ZNF804B: variants seen among roughly 807,000 people sequenced by gnomAD.
The protein encoded by ZNF804B is zinc finger 804B.
ZNF804B carries 80 observed loss-of-function variants against 101.4 expected under a neutral mutation model. The ratio of observed to expected loss-of-function variants is 0.79; its 90% confidence interval spans 0.66 to 0.95. The LOEUF (loss-of-function observed/expected upper bound fraction) is 0.95. ZNF804B is among the 40% of genes least tolerant of loss of function. The pLI, the probability that ZNF804B is intolerant of heterozygous loss-of-function variation, is 0.00. For synonymous variants in ZNF804B, 622 were observed against 558.8 expected (o/e 1.11, Z -1.59); for missense variants, 1,673 against 1,561.9 (o/e 1.07, Z -1.20).
At chr7:89,101,235 A>G (rs1338808845) in intron 1 of ZNF804B, among the ~76,000 whole-genome samples, 1 of 151,478 alleles carries the variant, frequency 6.6e-6, no homozygotes, top group East Asian at 1.9e-4. Context: ...TCCGGCAGGC[A>G]TGTTTAGCTT....
chr7:89,095,061 T>G (rs1212173003), intron 1 of ZNF804B, among the ~76,000 whole-genome samples: 2 of 152,192 alleles, frequency 1.3e-5, no homozygotes, highest in African/African-American at 4.8e-5. Flanking sequence ...ATGTTTTTGT[T>G]GCCTCCAAAA....
At chr7:88,831,063 A>G (rs1791125017) in intron 1 of ZNF804B, among the ~76,000 whole-genome samples, 2 of 151,972 alleles carry the variant, frequency 1.3e-5, no homozygotes, top group African/African-American at 4.8e-5. Context: ...GTTAAAATAT[A>G]GTTCATATAC....
At chr7:89,200,603 T>C (rs1043095613) in intron 1 of ZNF804B, among the ~76,000 whole-genome samples, 1 of 152,016 alleles carries the variant, frequency 6.6e-6, no homozygotes, top group African/African-American at 2.4e-5. Flanking sequence ...TCCTATACTT[T>C]CAAGTTTCTA....
chr7:89,274,686 T>A (rs889568167), intron 2 of ZNF804B, among the ~76,000 whole-genome samples: 1 of 151,844 alleles, frequency 6.6e-6, no homozygotes, highest in Non-Finnish European at 1.5e-5. Context: ...CTCTTTTAAC[T>A]GCAGTCTAAT....
At chr7:89,145,036 G>A (rs1016444605) in intron 1 of ZNF804B, among the ~76,000 whole-genome samples, 1 of 151,860 alleles carries the variant, frequency 6.6e-6, no homozygotes, top group Non-Finnish European at 1.5e-5. Context: ...AGCTTGGGAA[G>A]TGGAGGTTGC....
intron 1 of ZNF804B, among the ~76,000 whole-genome samples, chr7:88,827,306 T>C (rs976468162): frequency 9.9e-5 from 15 of 151,634 alleles, no homozygotes; most frequent in African/African-American, 3.6e-4. Context: ...ATAATAATTA[T>C]AAAGAAAGAG....
chr7:88,953,056 C>T (rs1286842559), intron 1 of ZNF804B, among the ~76,000 whole-genome samples: 2 of 151,738 alleles, frequency 1.3e-5, no homozygotes, highest in Non-Finnish European at 2.9e-5. Context: ...TACCTGGTGT[C>T]AGGATTGAGT....
intron 1 of ZNF804B, among the ~76,000 whole-genome samples, chr7:88,872,775 C>T (rs1181289674): frequency 6.7e-6 from 1 of 149,798 alleles, no homozygotes; most frequent in Non-Finnish European, 1.5e-5. Flanking sequence ...CAATTTCATC[C>T]ATGTCCCTAC....
chr7:88,815,817 T>A (rs183943786), intron 1 of ZNF804B, among the ~76,000 whole-genome samples: 2 of 151,672 alleles, frequency 1.3e-5, no homozygotes, highest in Non-Finnish European at 1.5e-5. Context: ...TCCCACTGCA[T>A]GGTCACCATT....
intron 1 of ZNF804B, among the ~76,000 whole-genome samples, chr7:89,054,896 C>T (rs767574352): frequency 7.2e-5 from 11 of 151,992 alleles, no homozygotes; most frequent in Non-Finnish European, 1.2e-4. Flanking sequence ...ACTTGAATAC[C>T]TGTTCAAGGC....
intron 1 of ZNF804B, among the ~76,000 whole-genome samples, chr7:89,187,893 T>C (rs1426732784): frequency 6.6e-6 from 1 of 152,018 alleles, no homozygotes; most frequent in Non-Finnish European, 1.5e-5. Context: ...GGTAGGAAAA[T>C]TGTGAATGAA....
chr7:88,793,982 A>G, intron 1 of ZNF804B: 1 of 417,168 alleles, frequency 2.4e-6, no homozygotes, highest in Non-Finnish European at 4.2e-6. Flanking sequence ...TAGTAAAATA[A>G]TGTATTGAAC....
At chr7:89,069,270 A>T (rs532192738) in intron 1 of ZNF804B, among the ~76,000 whole-genome samples, 1 of 152,180 alleles carries the variant, frequency 6.6e-6, no homozygotes, top group Non-Finnish European at 1.5e-5. Context: ...ATGGAGTTTG[A>T]TGGGGCACAA....
intron 1 of ZNF804B, among the ~76,000 whole-genome samples, chr7:88,990,845 T>C (rs1584057791): frequency 6.6e-6 from 1 of 152,266 alleles, no homozygotes; most frequent in Non-Finnish European, 1.5e-5. Flanking sequence ...TCCTTAATTT[T>C]TGAGCCCTAT....
intron 1 of ZNF804B, among the ~76,000 whole-genome samples, chr7:88,798,999 T>A (rs1790536279): frequency 6.6e-6 from 1 of 152,118 alleles, no homozygotes; most frequent in Admixed American, 6.6e-5. Flanking sequence ...TCACAGAACC[T>A]TAATAGAAGC....
chr7:89,138,125 A>C (rs1358281592), intron 1 of ZNF804B, among the ~76,000 whole-genome samples: 1 of 152,156 alleles, frequency 6.6e-6, no homozygotes, highest in Non-Finnish European at 1.5e-5. Context: ...CTGGACATCC[A>C]GGCAGAAGTT....
intron 1 of ZNF804B, among the ~76,000 whole-genome samples, chr7:88,820,639 A>G (rs1050775595): frequency 4.6e-5 from 7 of 152,164 alleles, no homozygotes; most frequent in African/African-American, 1.7e-4. Context: ...TGCCAGGCTT[A>G]TGTATGTGGC....
At chr7:88,881,062 G>A (rs748353678) in intron 1 of ZNF804B, among the ~76,000 whole-genome samples, 13 of 151,890 alleles carry the variant, frequency 8.6e-5, no homozygotes, top group Non-Finnish European at 1.9e-4. Flanking sequence ...CCCAAATAGT[G>A]TTTTAAAGAT....
At chr7:89,152,694 T>C (rs1790897767) in intron 1 of ZNF804B, among the ~76,000 whole-genome samples, 1 of 152,200 alleles carries the variant, frequency 6.6e-6, no homozygotes, top group Non-Finnish European at 1.5e-5. Flanking sequence ...AAATAAAATA[T>C]ATAGTTACCT....
Sources: allele counts gnomAD v4.1 joint callset (sites outside exome capture counted in the v4.1 genomes callset), GRCh38; gene constraint gnomAD v4.1.1; transcripts MANE v1.5; gene names NCBI Gene and HGNC (gene_info 2026-07-23, HGNC 2026-07-21).